Variants in PACRG observed in about 807,000 individuals in gnomAD.
The protein encoded by PACRG is parkin coregulated gene protein.
In PACRG, 29 loss-of-function variants were observed where a neutral mutation model predicts 29.7. The ratio of observed to expected loss-of-function variants is 0.98; its 90% CI spans 0.73 to 1.33. The LOEUF (loss-of-function observed/expected upper bound fraction) is 1.33. Ranked by LOEUF, PACRG falls within the 40% of genes most tolerant of loss-of-function variation. PACRG has a pLI of 0.00. For missense variants in PACRG, 279 were observed against 316.2 expected (o/e 0.88, Z 0.89); for synonymous variants, 116 against 118.7 (o/e 0.98, Z 0.15).
chr6:162,849,170 G>A (rs536557215), intron 2 of PACRG, among the ~76,000 whole-genome samples: 1 of 152,236 alleles, frequency 6.6e-6, no homozygotes, highest in African/African-American at 2.4e-5. Flanking sequence ...TAGTACATTG[G>A]CGTGCAAAAA....
chr6:163,081,066 A>G (rs1813031589), intron 3 of PACRG, among the ~76,000 whole-genome samples: 1 of 152,202 alleles, frequency 6.6e-6, no homozygotes, highest in African/African-American at 2.4e-5. Context: ...TCTGTTATGG[A>G]AGGAGAAAAA....
At chr6:163,285,995 G>T (rs1039502155) in intron 4 of PACRG, among the ~76,000 whole-genome samples, 4 of 152,156 alleles carry the variant, frequency 2.6e-5, no homozygotes, top group Non-Finnish European at 4.4e-5. Flanking sequence ...TGGTTCTGTC[G>T]TGTAAATCAC....
chr6:163,143,147 G>A (rs1777622853), intron 4 of PACRG, among the ~76,000 whole-genome samples: 2 of 152,024 alleles, frequency 1.3e-5, no homozygotes, highest in South Asian at 2.1e-4. Context: ...ACTGGGTGAG[G>A]GATGCAGAGA....
At chr6:163,219,186 GC>G (rs2128158391) in intron 4 of PACRG, among the ~76,000 whole-genome samples, 2 of 152,246 alleles carry the variant, frequency 1.3e-5, no homozygotes, top group South Asian at 4.2e-4. Flanking sequence ...CTCTGACACA[GC>G]TCTTCATTTT....
rs368330354 is a variant in PACRG, at chr6:163,223,379, A to T, written c.614-91448A>T. Among the ~76,000 whole-genome samples the T allele has an allele frequency of 9.2e-5, 14 of 152,300 alleles. 1 individual carries two copies. The highest frequency in any genetic ancestry group is 3.4e-4 in the African/African-American group (14 of 41,564). On this transcript the variant is annotated intron_variant, in intron 4 of 4. Coordinates refer to ENST00000366888, the MANE Select transcript of PACRG (RefSeq NM_001080379.2). ...GTTGCACTCCAGCCTGGGCAAAAAG[A>T]GTGAAACTCCATCTCAAAAATGAAA... is the stretch of plus-strand genomic sequence containing the variant.
chr6:162,759,657 T>C (rs778130867), intron 1 of PACRG, among the ~76,000 whole-genome samples: 2 of 152,278 alleles, frequency 1.3e-5, no homozygotes, highest in African/African-American at 4.8e-5. Flanking sequence ...GTACAAGAGA[T>C]GTGTATTCGT....
chr6:163,279,991 A>G (rs1784175573), intron 4 of PACRG, among the ~76,000 whole-genome samples: 2 of 152,326 alleles, frequency 1.3e-5, no homozygotes, highest in Non-Finnish European at 2.9e-5. Flanking sequence ...CCTGAGGTTC[A>G]TCCTTTGCAC....
intron 2 of PACRG, among the ~76,000 whole-genome samples, chr6:162,906,013 G>A (rs924038490): frequency 2.6e-5 from 4 of 152,070 alleles, no homozygotes; most frequent in African/African-American, 9.7e-5. Context: ...ATCGAAGTTA[G>A]AATTTGTTAA....
intron 3 of PACRG, among the ~76,000 whole-genome samples, chr6:163,067,060 T>C (rs1811607636): frequency 6.6e-6 from 1 of 152,212 alleles, no homozygotes; most frequent in Non-Finnish European, 1.5e-5. Context: ...GCTAAAAAGA[T>C]CCCTGTCCTT....
intron 2 of PACRG, among the ~76,000 whole-genome samples, chr6:162,988,726 G>A (rs914319265): frequency 6.6e-6 from 1 of 152,082 alleles, no homozygotes; most frequent in Admixed American, 6.6e-5. Flanking sequence ...AAACAAGAAA[G>A]GGAATGGTTA....
intron 4 of PACRG, among the ~76,000 whole-genome samples, chr6:163,218,737 G>T (rs2128158184): frequency 6.6e-6 from 1 of 152,278 alleles, no homozygotes; most frequent in East Asian, 1.9e-4. Flanking sequence ...CATCTCCTGG[G>T]CTGGCTCCTC....
intron 2 of PACRG, among the ~76,000 whole-genome samples, chr6:162,817,195 G>C (rs1787432908): frequency 6.6e-6 from 1 of 152,204 alleles, no homozygotes; most frequent in African/African-American, 2.4e-5. Flanking sequence ...CTGTGAATGT[G>C]CTGGTCTGGG....
intron 2 of PACRG, among the ~76,000 whole-genome samples, chr6:162,860,372 T>C (rs1002031433): frequency 5.3e-5 from 8 of 152,150 alleles, no homozygotes; most frequent in Non-Finnish European, 1.0e-4. Flanking sequence ...ATAAAAATGG[T>C]ACAGAAAAAC....
intron 4 of PACRG, among the ~76,000 whole-genome samples, chr6:163,265,270 T>G (rs757445972): frequency 2.6e-5 from 4 of 152,130 alleles, no homozygotes; most frequent in Non-Finnish European, 5.9e-5. Context: ...GGTGGCTCCA[T>G]CACCTGTGTG....
In PACRG at chr6:162,908,039, C is replaced by T. The variant is rs1013212705; in HGVS notation, c.291+93758C>T. The stretch of plus-strand genomic sequence containing the variant: ...CTGCAAATTTTGAGAGTTATACATA[C>T]GCCTCTCAAATAAATTGAAACTGCA... On this transcript the variant is annotated intron_variant, in intron 2 of 4. Coordinates refer to ENST00000366888, the MANE Select transcript of PACRG (RefSeq NM_001080379.2). 1.6e-4 allele frequency among the ~76,000 whole-genome samples: 24 copies of T among 152,274 alleles called. 1 individual carries two copies. Among genetic ancestry groups the T allele is most frequent in the African/African-American group, 4.8e-4 (20 of 41,560 alleles).
At chr6:163,226,959 G>A (rs1046951738) in intron 4 of PACRG, among the ~76,000 whole-genome samples, 1 of 152,190 alleles carries the variant, frequency 6.6e-6, no homozygotes, top group African/African-American at 2.4e-5. Flanking sequence ...ACTCATGTGT[G>A]AGATATGCCT....
intron 2 of PACRG, among the ~76,000 whole-genome samples, chr6:162,937,886 G>C (rs769680137): frequency 2.4e-4 from 36 of 150,530 alleles, no homozygotes; most frequent in Middle Eastern, 3.4e-3. Context: ...TTTATTTGCA[G>C]TCATTTTTTA....
intron 4 of PACRG, among the ~76,000 whole-genome samples, chr6:163,207,631 C>A (rs983954168): frequency 1.3e-5 from 2 of 152,156 alleles, no homozygotes; most frequent in African/African-American, 4.8e-5. Context: ...CTTGAGGGAG[C>A]TGCTCTTCAC....
At chr6:162,736,672 A>G (rs1193450519) in intron 1 of PACRG, among the ~76,000 whole-genome samples, 3 of 151,752 alleles carry the variant, frequency 2.0e-5, no homozygotes, top group African/African-American at 4.8e-5. Context: ...GCCATAAATA[A>G]TTATGTTGTA....
Sources: gnomAD v4.1 joint callset for allele counts (sites outside exome capture counted in the v4.1 genomes callset) on GRCh38, gnomAD v4.1.1 for gene constraint, MANE v1.5 for transcripts, NCBI Gene and HGNC (gene_info 2026-07-23, HGNC 2026-07-21) for gene names.